SPTBN5: variants seen among roughly 807,000 people sequenced by gnomAD.
SPTBN5 encodes the protein spectrin beta chain, non-erythrocytic 5.
Under a neutral mutation model 477.6 loss-of-function variants are expected in SPTBN5, and 513 were observed. That is an observed-to-expected ratio of 1.07 (90% CI 1.00 to 1.16). The LOEUF (loss-of-function observed/expected upper bound fraction) is 1.16, where lower values mean the gene tolerates loss of function less well. Ranked by LOEUF, SPTBN5 falls within the 50% of genes most tolerant of loss-of-function variation. The probability of loss-of-function intolerance (pLI) is 0.00; values close to 1 mark genes in which losing one functional copy is unlikely to be tolerated. For synonymous variants in SPTBN5, 2,169 were observed against 2,011.7 expected (o/e 1.08, Z -2.09); for missense variants, 5,062 against 4,731.8 (o/e 1.07, Z -2.05).
chr15:41,876,866 T>G lies in SPTBN5; in HGVS notation c.3794A>C (p.Glu1265Ala). ...CTTCTCGCCGTGTGCCCGCAGAGCC[T>G]CTGCCCGAGGCCCCAGGGTGCTCAG... is the stretch of plus-strand genomic sequence containing the variant. ...RLLSTLGPRAEALRAHGEKLV... is the reference protein window; with the variant it reads ...RLLSTLGPRAAALRAHGEKLV... Residue 1265 changes from glutamate (E) to alanine (A), a missense_variant, in exon 19 of 68, where the codon GAG becomes GCG. Physicochemically the swap from Glu to Ala is moderately radical, Grantham distance 107. Coordinates refer to ENST00000320955, the MANE Select transcript of SPTBN5 (RefSeq NM_016642.4). 6.2e-7 allele frequency: 1 copy of G among 1,610,582 alleles called. No homozygotes were observed. Among genetic ancestry groups the G allele is most frequent in the Non-Finnish European group, 8.5e-7 (1 of 1,179,836 alleles).
Position 41,858,589 on chromosome 15 carries a change from T to G in SPTBN5, c.8226+13A>C. 6.2e-7 allele frequency: 1 copy of G among 1,607,558 alleles called. No individual in the cohort carries two copies. Among genetic ancestry groups the G allele is most frequent in the Non-Finnish European group, 8.5e-7 (1 of 1,178,426 alleles). On this transcript the variant is annotated intron_variant, in intron 49 of 67. Coordinates refer to ENST00000320955, the MANE Select transcript of SPTBN5 (RefSeq NM_016642.4). ...AGAGCTGTCCCACCACCCTCCTGCC[T>G]GCAGGGCCTCACCCGCTGCAGCTCC...
At chr15:41,850,321 C>G (rs1264349907) in intron 66 of SPTBN5, 1 of 300,718 alleles carries the variant, frequency 3.3e-6, no homozygotes, top group East Asian at 7.0e-5. Flanking sequence ...CAGACACATT[C>G]CCTGAACACA....
At chr15:41,874,817 A>G in intron 23 of SPTBN5, 25 bp downstream of exon 23, 1 of 1,587,260 alleles carries the variant, frequency 6.3e-7, no homozygotes, top group Non-Finnish European at 8.6e-7. Flanking sequence ...AGTGACACAC[A>G]GGTGGGTGGG....
At position 41,862,866 on chromosome 15, in the gene SPTBN5, A is replaced by G. The variant is rs766805271; in HGVS notation, c.7187T>C (p.Leu2396Pro). 5.7e-6 allele frequency: 9 copies of G among 1,589,692 alleles called. No homozygotes were observed. Among genetic ancestry groups the G allele is most frequent in the Non-Finnish European group, 7.7e-6 (9 of 1,168,768 alleles). The change falls in exon 42 of 68, where the codon CTG becomes CCG. Residue 2396 changes from leucine to proline, a missense_variant. By Grantham distance (98) the Leu-to-Pro change is moderately conservative. Transcript: ENST00000320955. ...LIQALDCGKDLESVQRLLRKH... is the reference protein window; with the variant it reads ...LIQALDCGKDPESVQRLLRKH... ...CCGCAGCAGCCTCTGCACGCTCTCC[A>G]GATCTTTCCCACAGTCCAGGGCCTG...
Position 41,867,047 on chromosome 15 carries a change from C to A in SPTBN5, c.6392G>T (p.Arg2131Leu), listed in dbSNP as rs372449171. 16 of 1,552,430 alleles carry A rather than the reference C, an allele frequency of 1.0e-5. No homozygotes were observed. The Admixed American group carries it at 2.9e-4, about 28-fold the overall frequency. The change falls in exon 36 of 68, where the codon CGG (arginine) becomes CTG (leucine). Residue 2131 changes from arginine (R) to leucine (L), a missense_variant. Physicochemically the swap from Arg to Leu is moderately radical, Grantham distance 102 (BLOSUM62 -2). Transcript: ENST00000320955. ...CTCCGCCAGCTCCTTCACTCTCATC[C>A]GGCGCTGCAGCAGGATGGGAAGCCG... ...RDRLPILLQR[R>L]MRVKELAESR...
chr15:41,851,099 G>A lies in SPTBN5; in HGVS notation c.10795C>T (p.Leu3599=). ...LDLTGARCER[L]RGRHGRKHTF... is the part of the protein sequence containing the mutation. ...TGTTTCCTGCCGTGGCGGCCCCGCA[G>A]CCTCTCACACCGGGCTCCCGTGAGG... is the stretch of plus-strand genomic sequence containing the variant. The change falls in exon 65 of 68, where the codon CTG becomes TTG. Residue 3599 remains leucine (L), a synonymous_variant. Transcript: ENST00000320955. 3 of 1,613,228 alleles carry A rather than the reference G, an allele frequency of 1.9e-6. No individual in the cohort carries two copies. Among genetic ancestry groups the A allele is most frequent in the Non-Finnish European group, 2.5e-6 (3 of 1,179,836 alleles).
chr15:41,858,700 A>G lies in SPTBN5; in HGVS notation c.8128T>C (p.Leu2710=). 6.2e-7 allele frequency: 1 copy of G among 1,610,124 alleles called. No individual in the cohort carries two copies. Among genetic ancestry groups the G allele is most frequent in the South Asian group, 1.1e-5 (1 of 90,142 alleles). The change falls in exon 49 of 68, where the codon TTG becomes CTG. Residue 2710 remains leucine, a synonymous_variant. Coordinates refer to ENST00000320955, the MANE Select transcript of SPTBN5 (RefSeq NM_016642.4). ...EKNLVALEEG[L]LDTAMLPAQL... ...GCTGGCAGCATGGCTGTGTCCAGCA[A>G]ACCCTCCTCCAAGGCCACCAGGTTC...
chr15:41,889,390 G>A (rs910644614), intron 4 of SPTBN5, among the ~76,000 whole-genome samples: 1 of 152,042 alleles, frequency 6.6e-6, no homozygotes, highest in African/African-American at 2.4e-5. Flanking sequence ...TGGAAATCAT[G>A]AAACTATGAA....
In SPTBN5 at chr15:41,872,346, C is replaced by G. The variant is rs1406442735; in HGVS notation, c.5121G>C (p.Arg1707Ser). Residue 1707 changes from arginine to serine, a missense_variant, in exon 27 of 68, where the codon AGG becomes AGC. Transcript: ENST00000320955. ...GCAGTGCCCGCAGCTGCTCCCGGAG[C>G]CTCTCCTGCACCACACGCTGCTGCT... ...VPEQQRVVQE[R>S]LREQLRALQE... is the part of the protein sequence containing the mutation. 1.2e-6 allele frequency: 2 copies of G among 1,611,398 alleles called. No individual in the cohort carries two copies. The highest frequency in any genetic ancestry group is 1.1e-5 in the South Asian group (1 of 90,770).
rs1298262609 is a variant in SPTBN5, at chr15:41,861,463, A to T, written c.7771T>A (p.Trp2591Arg). The change falls in exon 46 of 68, where the codon TGG (tryptophan) becomes AGG (arginine). Residue 2591 changes from tryptophan to arginine, a missense_variant. By Grantham distance (101) the Trp-to-Arg change is moderately radical. Transcript: ENST00000320955. ...FLSSVEKMERWLCSKEDSLAS... is the reference protein window; with the variant it reads ...FLSSVEKMERRLCSKEDSLAS... ...AGGGAGTCTTCCTTGCTGCAAAGCC[A>T]ACGTTCCATCTTCTCCACTGAGCTC... The T allele has an allele frequency of 1.2e-6, 2 of 1,613,530 alleles. No individual in the cohort carries two copies. The highest frequency in any genetic ancestry group is 1.3e-5 in the African/African-American group (1 of 74,942).
rs1567177570 is a variant in SPTBN5, at chr15:41,849,949, C to CA, written c.10931dup (p.Ser3645GlufsTer14). The CA allele has an allele frequency of 1.3e-6, 2 of 1,592,326 alleles. No homozygotes were observed. The highest frequency in any genetic ancestry group is 3.5e-5 in the Admixed American group (2 of 56,834). On this transcript the variant is annotated frameshift_variant, in exon 67 of 68. Coordinates refer to ENST00000320955, the MANE Select transcript of SPTBN5 (RefSeq NM_016642.4). LOFTEE classifies it high-confidence loss of function. ...CAGGTTTGGCTTTGAGTTTTGGGCT[C>CA]AGACTCTGGGCTGCAGAGCAAGGGA...
rs773227878 is a variant in SPTBN5 at position 41,875,029 on chromosome 15, C to T, written c.4315G>A (p.Glu1439Lys). 7.4e-6 allele frequency: 12 copies of T among 1,612,898 alleles called. No homozygotes were observed. The East Asian group carries it at 8.9e-5, about 12-fold the overall frequency. ...GTTTCCGAGCTCTGTAGGGCCCCTT[C>T]GAGCTGCTCCAGCTGCTCCTTTGCA... ...QDAKEQLEQL[E>K]GALQSSETGQ... The change falls in exon 23 of 68, where the codon GAA (glutamate) becomes AAA (lysine). Residue 1439 changes from glutamate to lysine, a missense_variant. Coordinates refer to ENST00000320955, the MANE Select transcript of SPTBN5 (RefSeq NM_016642.4).
chr15:41,851,660 G>C, intron 63 of SPTBN5, 119 bp downstream of exon 63: 5 of 747,528 alleles, frequency 6.7e-6, no homozygotes, highest in Non-Finnish European at 1.1e-5. Context: ...CAGCATGGTG[G>C]GGGGTGGCAT....
chr15:41,865,814 C>A lies in SPTBN5; in HGVS notation c.6912G>T (p.Ser2304=). The A allele has an allele frequency of 6.4e-7, 1 of 1,559,388 alleles. No homozygotes were observed. ...CCCAGCAAGGCCCTCTTACCCCGGC[C>A]GAGTTTCCTCGGAACTCGCGGAGCC... ...RRRLREFRGN[S]AGDTVGDACI... is the part of the protein sequence containing the mutation. The change falls in exon 39 of 68, where the codon TCG becomes TCT. Residue 2304 remains serine (S), a synonymous_variant. Coordinates refer to ENST00000320955, the MANE Select transcript of SPTBN5 (RefSeq NM_016642.4).
chr15:41,876,716 C>T, intron 19 of SPTBN5, 69 bp from the exon 20 acceptor site: 2 of 1,582,488 alleles, frequency 1.3e-6, no homozygotes, highest in Non-Finnish European at 1.7e-6. Flanking sequence ...GGTGCACTCT[C>T]CCCCACCCCC....
chr15:41,871,647 C>T (rs2066540146), intron 28 of SPTBN5, 127 bp from the exon 29 acceptor site: 2 of 1,320,250 alleles, frequency 1.5e-6, no homozygotes, highest in African/African-American at 1.5e-5. Flanking sequence ...TCTGCCCGCT[C>T]CACTGAGGAG....
At chr15:41,849,135 C>G (rs2065659487) in intron 67 of SPTBN5, among the ~76,000 whole-genome samples, 1 of 152,236 alleles carries the variant, frequency 6.6e-6, no homozygotes, top group African/African-American at 2.4e-5. Context: ...ATTTGCCTGT[C>G]TCCAGTCCCT....
chr15:41,850,202 G>GT, intron 66 of SPTBN5: 4 of 509,300 alleles, frequency 7.9e-6, no homozygotes, highest in Non-Finnish European at 1.1e-5. Context: ...GCCTTTCTTA[G>GT]GAGGTGGGAA....
rs1177132847 is a variant in SPTBN5, at chr15:41,853,793, A to T, written c.9775-6T>A. 1 of 1,554,070 alleles carries T rather than the reference A, an allele frequency of 6.4e-7. No individual in the cohort carries two copies. The highest frequency in any genetic ancestry group is 1.2e-5 in the South Asian group (1 of 84,404). The stretch of plus-strand genomic sequence containing the variant: ...TCCATAGCTTCCAGCTCTCTCTGCA[A>T]CCAGAGCATGAGATCAGGCCTCAGT... On this transcript the variant is annotated splice_polypyrimidine_tract_variant and splice_region_variant and intron_variant, in intron 57 of 67. Coordinates refer to ENST00000320955, the MANE Select transcript of SPTBN5 (RefSeq NM_016642.4).
Sources: allele counts gnomAD v4.1 joint callset (sites outside exome capture counted in the v4.1 genomes callset), GRCh38; gene constraint gnomAD v4.1.1; transcripts MANE v1.5; gene names NCBI Gene and HGNC (gene_info 2026-07-23, HGNC 2026-07-21).